The following FRMD6 variants were observed in gnomAD, a reference collection of about 807,000 sequenced individuals.
The protein encoded by FRMD6 is FERM domain-containing protein 6.
A neutral mutation model predicts 73.2 loss-of-function variants in FRMD6; 37 were observed. The observed-to-expected ratio is 0.51, with a 90% CI of 0.39 to 0.66. The LOEUF is 0.66. Among genes scored for constraint, FRMD6 ranks in the 30% least tolerant of loss-of-function variants. The pLI is 0.00. For synonymous variants in FRMD6, 273 were observed against 282.2 expected (o/e 0.97, Z 0.33); for missense variants, 714 against 780.5 (o/e 0.91, Z 1.02).
intron 2 of FRMD6, among the ~76,000 whole-genome samples, chr14:51,608,829 C>G (rs1052931003): frequency 1.3e-5 from 2 of 152,146 alleles, no homozygotes; most frequent in Admixed American, 1.3e-4. Context: ...GAGACAGTCC[C>G]TGCTCCAAGG....
At chr14:51,694,689 C>T (rs1895824695) in intron 2 of FRMD6, among the ~76,000 whole-genome samples, 1 of 151,660 alleles carries the variant, frequency 6.6e-6, no homozygotes, top group Admixed American at 6.6e-5. Flanking sequence ...GACCTTGTCT[C>T]AAGGGAAAAA....
chr14:51,640,103 T>G (rs1267471145), intron 2 of FRMD6, among the ~76,000 whole-genome samples: 1 of 152,210 alleles, frequency 6.6e-6, no homozygotes, highest in African/African-American at 2.4e-5. Context: ...TAATTACAGT[T>G]TTAGTTATTC....
At chr14:51,510,029 AG>A (rs1884206419) in intron 1 of FRMD6, among the ~76,000 whole-genome samples, 1 of 152,244 alleles carries the variant, frequency 6.6e-6, no homozygotes, top group African/African-American at 2.4e-5. Flanking sequence ...CTAGCACCCT[AG>A]GGCAGCCATT....
chr14:51,442,678 C>T, the FRMD6 span, among the ~76,000 whole-genome samples: 1 of 152,346 alleles, frequency 6.6e-6, no homozygotes, highest in East Asian at 1.9e-4. Flanking sequence ...CTAGTGACTA[C>T]TCAGGAAATG....
At chr14:51,668,143 T>A (rs1017223319) in intron 1 of FRMD6, among the ~76,000 whole-genome samples, 1 of 152,222 alleles carries the variant, frequency 6.6e-6, no homozygotes, top group Non-Finnish European at 1.5e-5. Context: ...CTAAATTAAT[T>A]CACATTATCA....
chr14:51,558,401 G>A (rs773308313), intron 1 of FRMD6, among the ~76,000 whole-genome samples: 3 of 151,640 alleles, frequency 2.0e-5, no homozygotes, highest in African/African-American at 7.3e-5. Context: ...CTGGGAGGTG[G>A]AGGTTGCAGT....
chr14:51,477,689 G>A, the FRMD6 span, among the ~76,000 whole-genome samples: 583 of 151,718 alleles, frequency 3.8e-3, 6 homozygotes, highest in African/African-American at 0.014. Flanking sequence ...TCCATAATGA[G>A]CTAGTGTTCT....
At chr14:51,465,692 C>T in the FRMD6 span, among the ~76,000 whole-genome samples, 3 of 152,124 alleles carry the variant, frequency 2.0e-5, no homozygotes, top group Non-Finnish European at 2.9e-5. Context: ...ACTATTTGTG[C>T]AGTCACGTGA....
At chr14:51,426,685 G>A in the FRMD6 span, among the ~76,000 whole-genome samples, 1 of 152,208 alleles carries the variant, frequency 6.6e-6, no homozygotes, top group African/African-American at 2.4e-5. Flanking sequence ...GATGGGGGGA[G>A]TGGAACAGAG....
At chr14:51,665,769 T>C (rs75810310) in intron 1 of FRMD6, among the ~76,000 whole-genome samples, 4,063 of 152,294 alleles carry the variant, frequency 0.027, 180 homozygotes, top group African/African-American at 0.092. Context: ...AATTGAATCA[T>C]GGCGGTGTGT....
chr14:51,490,041 G>A (rs760963462), intron 1 of FRMD6, among the ~76,000 whole-genome samples: 1 of 152,016 alleles, frequency 6.6e-6, no homozygotes, highest in Admixed American at 6.6e-5. Flanking sequence ...TTTTATGAGG[G>A]GTATAACTTA....
chr14:51,611,551 C>G (rs1303565606), intron 2 of FRMD6, among the ~76,000 whole-genome samples: 3 of 152,044 alleles, frequency 2.0e-5, no homozygotes, highest in African/African-American at 7.2e-5. Context: ...ACTGTTTTTT[C>G]TCATTTTCTC....
At chr14:51,680,939 G>A (rs1894753641) in intron 1 of FRMD6, among the ~76,000 whole-genome samples, 1 of 152,056 alleles carries the variant, frequency 6.6e-6, no homozygotes, top group Admixed American at 6.6e-5. Context: ...TGGGTGAAAA[G>A]GTATGAACAT....
chr14:51,422,375 C>A, the FRMD6 span, among the ~76,000 whole-genome samples: 1 of 152,022 alleles, frequency 6.6e-6, no homozygotes. Context: ...TTTAAGTTTT[C>A]TTTGCTATAA....
At chr14:51,568,666 G>A (rs1032157864) in intron 1 of FRMD6, among the ~76,000 whole-genome samples, 3 of 152,172 alleles carry the variant, frequency 2.0e-5, no homozygotes, top group Non-Finnish European at 4.4e-5. Flanking sequence ...GAGTGAAGGA[G>A]AAGTATGGAA....
chr14:51,472,025 A>G, the FRMD6 span, among the ~76,000 whole-genome samples: 2 of 152,216 alleles, frequency 1.3e-5, no homozygotes, highest in Admixed American at 6.5e-5. Flanking sequence ...ACCAGACCCT[A>G]TGAGGCAACT....
At chr14:51,487,093 T>A (rs566297015), upstream of FRMD6, among the ~76,000 whole-genome samples, 1 of 152,298 alleles carries the variant, frequency 6.6e-6, no homozygotes, top group Non-Finnish European at 1.5e-5. Context: ...ATCATGAACA[T>A]GACCCCCAGG....
chr14:51,549,591 C>CTTT (rs1168905376), intron 1 of FRMD6, among the ~76,000 whole-genome samples: 11,997 of 90,540 alleles, frequency 0.13, 1,115 homozygotes, highest in South Asian at 0.22. Context: ...CTTTTTTTTT[C>CTTT]TTTCTTTTTT....
At chr14:51,511,479 A>G (rs1884307357) in intron 1 of FRMD6, among the ~76,000 whole-genome samples, 1 of 152,260 alleles carries the variant, frequency 6.6e-6, no homozygotes, top group South Asian at 2.1e-4. Context: ...TAGTTGTAGA[A>G]CACATTGGTT....
Sources: allele counts gnomAD v4.1 joint callset (sites outside exome capture counted in the v4.1 genomes callset), GRCh38; gene constraint gnomAD v4.1.1; transcripts MANE v1.5; gene names NCBI Gene and HGNC (gene_info 2026-07-23, HGNC 2026-07-21).